Variants in ROBO1 observed in about 807,000 individuals in gnomAD.
ROBO1 encodes roundabout guidance receptor 1.
ROBO1 carries 149 observed loss-of-function variants against 195.9 expected under a neutral mutation model. That is an observed-to-expected ratio of 0.76 (90% CI 0.67 to 0.87). The LOEUF (loss-of-function observed/expected upper bound fraction) is 0.87, where lower values mean the gene tolerates loss of function less well. ROBO1 is among the 40% of genes least tolerant of loss of function. The pLI is 0.00. For missense variants in ROBO1, 1,933 were observed against 2,068.3 expected, an observed-to-expected ratio of 0.93 and a Z score of 1.27; for synonymous variants, 816 against 733.2, an observed-to-expected ratio of 1.11 and a Z score of -1.82.
chr3:78,716,439 G>A (rs2081904840), intron 7 of ROBO1, among the ~76,000 whole-genome samples: 2 of 152,238 alleles, frequency 1.3e-5, no homozygotes, highest in Non-Finnish European at 2.9e-5. Context: ...CAGATCTCAT[G>A]AGAACTCACT....
chr3:79,352,342 T>A (rs1017767765), intron 2 of ROBO1, among the ~76,000 whole-genome samples: 1 of 152,218 alleles, frequency 6.6e-6, no homozygotes, highest in Non-Finnish European at 1.5e-5. Flanking sequence ...ACAAGAAAAG[T>A]ATGAGGACTC....
chr3:79,448,544 GTGTTCT>G (rs1222575449), intron 2 of ROBO1, among the ~76,000 whole-genome samples: 9 of 152,208 alleles, frequency 5.9e-5, no homozygotes, highest in African/African-American at 1.9e-4. Flanking sequence ...TTATACTGAA[GTGTTCT>G]TGCCTATGAT....
intron 2 of ROBO1, among the ~76,000 whole-genome samples, chr3:79,396,373 G>A (rs1192486400): frequency 6.6e-6 from 1 of 151,964 alleles, no homozygotes; most frequent in African/African-American, 2.4e-5. Context: ...ATACTAGGGT[G>A]ACATTGGGAA....
At chr3:78,900,216 T>A (rs2037502208) in intron 4 of ROBO1, among the ~76,000 whole-genome samples, 1 of 152,214 alleles carries the variant, frequency 6.6e-6, no homozygotes, top group Non-Finnish European at 1.5e-5. Flanking sequence ...AACAACTAGA[T>A]GTTAAAATAA....
intron 2 of ROBO1, among the ~76,000 whole-genome samples, chr3:79,187,235 C>T (rs755068549): frequency 2.6e-5 from 4 of 151,876 alleles, no homozygotes; most frequent in Non-Finnish European, 5.9e-5. Context: ...AGATCTGTCC[C>T]CATATGGAAC....
intron 3 of ROBO1, 72 bp downstream of exon 3, chr3:79,125,384 C>CGTGT: frequency 8.4e-7 from 1 of 1,197,288 alleles, no homozygotes; most frequent in Non-Finnish European, 1.2e-6. Flanking sequence ...TAATTTTATA[C>CGTGT]AGGTGGTTGA....
intron 3 of ROBO1, among the ~76,000 whole-genome samples, chr3:79,067,875 C>A (rs770313531): frequency 9.9e-5 from 15 of 151,898 alleles, no homozygotes; most frequent in Non-Finnish European, 2.2e-4. Context: ...TGAAGGCTGA[C>A]TGTGGCTAAT....
chr3:79,604,539 AAAGT>A (rs1305638306), intron 1 of ROBO1, among the ~76,000 whole-genome samples: 1 of 152,024 alleles, frequency 6.6e-6, no homozygotes, highest in Non-Finnish European at 1.5e-5. Flanking sequence ...TTTTTGTTGC[AAAGT>A]AAATATACGG....
chr3:79,386,686 G>A (rs1232738205), intron 2 of ROBO1, among the ~76,000 whole-genome samples: 2 of 152,102 alleles, frequency 1.3e-5, no homozygotes, highest in Non-Finnish European at 2.9e-5. Flanking sequence ...TCACGCATTG[G>A]TTGTGAGATA....
chr3:79,599,959 C>G (rs1019536910), intron 1 of ROBO1, among the ~76,000 whole-genome samples: 2 of 150,392 alleles, frequency 1.3e-5, no homozygotes, highest in Non-Finnish European at 3.0e-5. Flanking sequence ...CATTTTTTTT[C>G]AAAATGAATG....
chr3:78,932,497 T>C (rs1477346122), intron 4 of ROBO1, among the ~76,000 whole-genome samples: 1 of 152,204 alleles, frequency 6.6e-6, no homozygotes, highest in African/African-American at 2.4e-5. Context: ...CAGGATAGTG[T>C]ATCCAGTAAT....
intron 3 of ROBO1, among the ~76,000 whole-genome samples, chr3:79,065,609 G>A (rs1239410364): frequency 6.6e-6 from 1 of 151,970 alleles, no homozygotes; most frequent in African/African-American, 2.4e-5. Context: ...CAATTTGAAA[G>A]GACTCTATTG....
intron 1 of ROBO1, among the ~76,000 whole-genome samples, chr3:79,755,028 G>C (rs1283483394): frequency 2.6e-5 from 4 of 151,888 alleles, no homozygotes; most frequent in Non-Finnish European, 4.4e-5. Flanking sequence ...TTACAGGTAT[G>C]CACCACCATG....
At chr3:79,269,609 C>T (rs1170011261) in intron 2 of ROBO1, among the ~76,000 whole-genome samples, 1 of 151,644 alleles carries the variant, frequency 6.6e-6, no homozygotes, top group Non-Finnish European at 1.5e-5. Context: ...TGCACCTCTC[C>T]AGTTTACTTA....
chr3:78,818,071 G>A (rs1484427152), intron 4 of ROBO1, among the ~76,000 whole-genome samples: 1 of 152,206 alleles, frequency 6.6e-6, no homozygotes, highest in African/African-American at 2.4e-5. Flanking sequence ...AGAGGTGACT[G>A]AGTAAAAGAT....
Position 78,774,588 on chromosome 3 carries a change from G to A in ROBO1, c.500-27688C>T, listed in dbSNP as rs953340506. Among the ~76,000 whole-genome samples, 5 of 148,134 alleles carry A rather than the reference G, an allele frequency of 3.4e-5. No individual in the cohort carries two copies. In the Admixed American group the frequency reaches 3.5e-4, roughly 10 times the overall value. On this transcript the variant is annotated intron_variant, in intron 4 of 30. Coordinates refer to ENST00000464233, the MANE Select transcript of ROBO1 (RefSeq NM_002941.4). ...GTCTCCCAAAGTGCTGGGATTACAGGTGCTAAAATGTTTTTAATAAAAAAA... is the reference window on the plus strand; with the variant it reads ...GTCTCCCAAAGTGCTGGGATTACAGATGCTAAAATGTTTTTAATAAAAAAA...
At chr3:79,303,229 C>A (rs1473177514) in intron 2 of ROBO1, among the ~76,000 whole-genome samples, 4 of 146,708 alleles carry the variant, frequency 2.7e-5, no homozygotes, top group Admixed American at 2.1e-4. Context: ...CGCAGTGGCG[C>A]CATCGTGGCT....
chr3:79,226,675 C>T (rs1230965038), intron 2 of ROBO1, among the ~76,000 whole-genome samples: 5 of 151,380 alleles, frequency 3.3e-5, no homozygotes, highest in African/African-American at 4.9e-5. Flanking sequence ...TGTGTATTTG[C>T]GGCCACAACA....
intron 2 of ROBO1, among the ~76,000 whole-genome samples, chr3:79,191,673 T>C (rs2081543119): frequency 6.6e-6 from 1 of 151,408 alleles, no homozygotes; most frequent in African/African-American, 2.4e-5. Flanking sequence ...TGCTCCAAAC[T>C]TGCTTCACAT....
Sources: gnomAD v4.1 joint callset for allele counts (sites outside exome capture counted in the v4.1 genomes callset) on GRCh38, gnomAD v4.1.1 for gene constraint, MANE v1.5 for transcripts, NCBI Gene and HGNC (gene_info 2026-07-23, HGNC 2026-07-21) for gene names.